TTN: variants seen among roughly 807,000 people sequenced by gnomAD.
TTN encodes the protein connectin.
Under a neutral mutation model 3,223.0 loss-of-function variants are expected in TTN, and 1,525 were observed. The ratio of observed to expected loss-of-function variants is 0.47; its 90% CI spans 0.45 to 0.49. The LOEUF is 0.49. TTN is among the 20% of genes least tolerant of loss of function. The pLI, the probability that TTN is intolerant of heterozygous loss-of-function variation, is 0.00. For missense variants in TTN, 40,786 were observed against 43,424.0 expected, an observed-to-expected ratio of 0.94 and a Z score of 5.40; for synonymous variants, 14,094 against 15,161.0, an observed-to-expected ratio of 0.93 and a Z score of 5.17.
chr2:178,671,038 C>T (rs1207845880), intron 156 of TTN, 52 bp downstream of exon 156: 2 of 1,374,998 alleles, frequency 1.5e-6, no homozygotes, highest in Non-Finnish European at 2.0e-6. Flanking sequence ...ATAAAGCAAC[C>T]AAGGTGCTAT....
In TTN at chr2:178,651,450, T is replaced by C. The variant is rs878854370; in HGVS notation, c.39547+3A>G. On this transcript the variant is annotated splice_donor_region_variant and intron_variant, in intron 207 of 362. Coordinates refer to ENST00000589042, the MANE Select transcript of TTN (RefSeq NM_001267550.2). The stretch of plus-strand genomic sequence containing the variant: ...CCATCAAACAGTGGACAGCCACATA[T>C]ACCTTTAGCAGGTGGGGCTTCTGGC... 1.2e-6 allele frequency: 2 copies of C among 1,609,154 alleles called. No individual in the cohort carries two copies. The highest frequency in any genetic ancestry group is 1.7e-6 in the Non-Finnish European group (2 of 1,178,570).
At position 178,688,182 on chromosome 2, in the gene TTN, C is replaced by T. The variant is rs1328991757; in HGVS notation, c.32240G>A (p.Gly10747Asp). Reference sequence around the variant, plus strand: ...TTCTCTATAAACTGAAATGGACACACCTTCCTCCTCTTCTGAGTAACTCCA... The same window carrying T: ...TTCTCTATAAACTGAAATGGACACATCTTCCTCCTCTTCTGAGTAACTCCA... ...EEWSYSEEEE[G>D]VSISVYREEE... The change falls in exon 127 of 363, where the codon GGT becomes GAT. Residue 10747 changes from glycine (G) to aspartate (D), a missense_variant. Physicochemically the swap from Gly to Asp is moderately conservative, Grantham distance 94. Coordinates refer to ENST00000589042, the MANE Select transcript of TTN (RefSeq NM_001267550.2). 3 of 1,612,938 alleles carry T rather than the reference C, an allele frequency of 1.9e-6. No homozygotes were observed. The highest frequency in any genetic ancestry group is 2.5e-6 in the Non-Finnish European group (3 of 1,179,772).
In TTN at chr2:178,771,223, G is replaced by A; in HGVS notation, c.8104C>T (p.Leu2702Phe). 1 of 1,614,046 alleles carries A rather than the reference G, an allele frequency of 6.2e-7. No individual in the cohort carries two copies. The highest frequency in any genetic ancestry group is 8.5e-7 in the Non-Finnish European group (1 of 1,179,990). The change falls in exon 34 of 363, where the codon CTC (leucine) becomes TTC (phenylalanine). Residue 2702 changes from leucine to phenylalanine, a missense_variant. By Grantham distance (22) the Leu-to-Phe change is conservative. Coordinates refer to ENST00000589042, the MANE Select transcript of TTN (RefSeq NM_001267550.2). ...CTATGTTACTTGCCTTCAACTTTGA[G>A]TTTGGCAGATGTTTTGGAGGTGGCC... ...KVATSKTSAK[L>F]KVEAVKIKKT... is the part of the protein sequence containing the mutation.
At chr2:178,600,818 A>G in intron 288 of TTN, 36 bp downstream of exon 288, 1 of 1,611,136 alleles carries the variant, frequency 6.2e-7, no homozygotes, top group South Asian at 1.1e-5. Flanking sequence ...AGGCAGCTGT[A>G]AGGAGGACAT....
rs757488542 is a variant in TTN at position 178,558,194 on chromosome 2, C to T, written c.87160G>A (p.Val29054Ile). The T allele has an allele frequency of 1.9e-6, 3 of 1,611,372 alleles. No individual in the cohort carries two copies. Among genetic ancestry groups the T allele is most frequent in the Admixed American group, 3.4e-5 (2 of 59,420 alleles). ...IDMKNFPSHT[V>I]YVRAGSNLKV... ...AGGTTTGAACCAGCTCTAACATATA[C>T]AGTGTGACTTGGGAAATTCTTCATA... The change falls in exon 328 of 363, where the codon GTA becomes ATA. Residue 29054 changes from valine to isoleucine, a missense_variant. By Grantham distance (29) the Val-to-Ile change is conservative (BLOSUM62 3). Transcript: ENST00000589042.
At chr2:178,734,686 A>G (rs767616847) in intron 51 of TTN, 21 bp downstream of exon 51, 1 of 1,591,074 alleles carries the variant, frequency 6.3e-7, no homozygotes, top group South Asian at 1.1e-5. Flanking sequence ...AAAATACTGG[A>G]TGGAAACTCA....
chr2:178,593,086 A>G lies in TTN; in HGVS notation c.59036-3T>C, dbSNP rs765010070. The stretch of plus-strand genomic sequence containing the variant: ...ATTAACAGGTGGACTTGGTTTAGCT[A>G]AAAAATAAAAGTAAAAAACGAATTA... On this transcript the variant is annotated splice_region_variant and splice_polypyrimidine_tract_variant and intron_variant, in intron 299 of 362. Transcript: ENST00000589042. 4 of 1,611,058 alleles carry G rather than the reference A, an allele frequency of 2.5e-6. No individual in the cohort carries two copies. In the South Asian group the frequency reaches 3.3e-5, roughly 13 times the overall value.
chr2:178,800,424 G>A lies in TTN; in HGVS notation c.554C>T (p.Ala185Val). 6.2e-7 allele frequency: 1 copy of A among 1,614,150 alleles called. No individual in the cohort carries two copies. Among genetic ancestry groups the A allele is most frequent in the Non-Finnish European group, 8.5e-7 (1 of 1,180,004 alleles). ...AACCAGTAATTCAGCAGTCGAAGTA[G>A]CTCTTCCAACGCTATTGGTGGCATT... Reference protein sequence around the residue: ...SVNATNSVGRATSTAELLVQG... With the variant: ...SVNATNSVGRVTSTAELLVQG... Residue 185 changes from alanine to valine, a missense_variant, in exon 4 of 363, where the codon GCT (alanine) becomes GTT (valine). Coordinates refer to ENST00000589042, the MANE Select transcript of TTN (RefSeq NM_001267550.2).
Position 178,532,720 on chromosome 2 carries a change from A to G in TTN, c.103895T>C (p.Val34632Ala), listed in dbSNP as rs1689722037. 2.5e-6 allele frequency: 4 copies of G among 1,613,944 alleles called. No homozygotes were observed. Among genetic ancestry groups the G allele is most frequent in the Non-Finnish European group, 2.5e-6 (3 of 1,179,864 alleles). Residue 34632 changes from valine to alanine, a missense_variant, in exon 358 of 363, where the codon GTG (valine) becomes GCG (alanine). Physicochemically the swap from Val to Ala is moderately conservative, Grantham distance 64. Transcript: ENST00000589042. ...PKLSQDDLEIVRPARRRTPSP... is the reference protein window; with the variant it reads ...PKLSQDDLEIARPARRRTPSP... Reference sequence around the variant, plus strand: ...AGGTGTACGCCGGCGGGCTGGTCTCACTATCTCAAGATCATCTTGGGACAG... The same window carrying G: ...AGGTGTACGCCGGCGGGCTGGTCTCGCTATCTCAAGATCATCTTGGGACAG...
chr2:178,629,355 T>C lies in TTN; in HGVS notation c.44370A>G (p.Glu14790=). ...TGAGATACCATTCCACTGGGATATC[T>C]TCGTAGGAGAGCTCGCAGTCGAAGG... ...TATFDCELSY[E]DIPVEWYLKG... is the part of the protein sequence containing the mutation. Residue 14790 remains glutamate (E), a synonymous_variant, in exon 240 of 363, where the codon GAA becomes GAG. Coordinates refer to ENST00000589042, the MANE Select transcript of TTN (RefSeq NM_001267550.2). 6.2e-7 allele frequency: 1 copy of C among 1,612,950 alleles called. No individual in the cohort carries two copies. Among genetic ancestry groups the C allele is most frequent in the South Asian group, 1.1e-5 (1 of 91,054 alleles).
rs1384797295 is a variant in TTN at position 178,792,039 on chromosome 2, C to T, written c.1662+33G>A. On this transcript the variant is annotated intron_variant, in intron 10 of 362. Transcript: ENST00000589042. ...GCTGGCTGTAATGTGATATTGTCAA[C>T]AAACTACAAAATATTTAGAAAATCA... The T allele has an allele frequency of 1.9e-6, 3 of 1,607,050 alleles. No individual in the cohort carries two copies. The East Asian group carries it at 6.7e-5, about 36-fold the overall frequency.
In TTN at chr2:178,749,975, G is replaced by C. The variant is rs973187705; in HGVS notation, c.11311+3149C>G. On this transcript the variant is annotated intron_variant, in intron 47 of 362. Transcript: ENST00000589042. Reference sequence around the variant, plus strand: ...CAAAAATACAAATCTGTGTTTTGGTGATTGAGTAACTTGATCTTGAGGCAT... The same window carrying C: ...CAAAAATACAAATCTGTGTTTTGGTCATTGAGTAACTTGATCTTGAGGCAT... The C allele has an allele frequency of 2.5e-6, 4 of 1,613,192 alleles. No homozygotes were observed. In the Admixed American group the frequency reaches 6.7e-5, roughly 27 times the overall value.
chr2:178,637,299 C>T, intron 224 of TTN, 70 bp downstream of exon 224: 8 of 1,137,858 alleles, frequency 7.0e-6, no homozygotes, highest in South Asian at 2.2e-5. Flanking sequence ...AATTTTTTTC[C>T]CCTTGAATAT....
Position 178,540,178 on chromosome 2 carries a change from G to A in TTN, c.97988C>T (p.Thr32663Ile). ...TPTKIREYTL[T>I]HLPQGAEYRF... is the part of the protein sequence containing the mutation. ...GTATTCTGCACCCTGAGGTAGGTGT[G>A]TTAGAGTATACTCTCGAATCTTGGT... The change falls in exon 351 of 363, where the codon ACA becomes ATA. Residue 32663 changes from threonine to isoleucine, a missense_variant. Thr to Ile is a moderately conservative substitution (Grantham distance 89). Transcript: ENST00000589042. The A allele has an allele frequency of 6.2e-7, 1 of 1,613,814 alleles. No homozygotes were observed. Among genetic ancestry groups the A allele is most frequent in the Non-Finnish European group, 8.5e-7 (1 of 1,179,764 alleles).
At chr2:178,635,863 T>C (rs1191095016) in intron 226 of TTN, 100 bp downstream of exon 226, 1 of 1,518,796 alleles carries the variant, frequency 6.6e-7, no homozygotes, top group Non-Finnish European at 8.8e-7. Flanking sequence ...CCCTCTTAGG[T>C]ACAAGATTTC....
In TTN at chr2:178,785,958, C is replaced by T. The variant is rs754073908; in HGVS notation, c.2260G>A (p.Ala754Thr). ...TTAGGGACAACGTGGGGTTCTGAGG[C>T]TGGACGTTGGGGAGGCTCAGCTACC... is the stretch of plus-strand genomic sequence containing the variant. Reference protein sequence around the residue: ...AKVAEPPQRPASEPHVVPKAV... With the variant: ...AKVAEPPQRPTSEPHVVPKAV... The change falls in exon 14 of 363, where the codon GCC becomes ACC. Residue 754 changes from alanine (A) to threonine (T), a missense_variant. Coordinates refer to ENST00000589042, the MANE Select transcript of TTN (RefSeq NM_001267550.2). 8 of 1,613,992 alleles carry T rather than the reference C, an allele frequency of 5.0e-6. No individual in the cohort carries two copies. The highest frequency in any genetic ancestry group is 8.5e-7 in the Non-Finnish European group (1 of 1,180,002).
In TTN at chr2:178,741,600, A is replaced by G; in HGVS notation, c.11633T>C (p.Ile3878Thr). 1.2e-6 allele frequency: 2 copies of G among 1,613,864 alleles called. No individual in the cohort carries two copies. The highest frequency in any genetic ancestry group is 1.7e-6 in the Non-Finnish European group (2 of 1,179,812). Residue 3878 changes from isoleucine (I) to threonine (T), a missense_variant, in exon 48 of 363, where the codon ATC becomes ACC. Physicochemically the swap from Ile to Thr is moderately conservative, Grantham distance 89. Transcript: ENST00000589042. ...ATCCTCCAATTTGGTGAACAGAATG[A>G]TCAGGCTATGATCATCACCGTCAAA... ...FVFDGDDHSL[I>T]ILFTKLEDEG...
rs879183549 is a variant in TTN at position 178,565,973 on chromosome 2, A to G, written c.80159T>C (p.Ile26720Thr). The G allele has an allele frequency of 6.2e-7, 1 of 1,613,600 alleles. No individual in the cohort carries two copies. ...TTTTCTGGTTGACTCACGTTTGTCA[A>G]TCACATAGTTCTTGACCTTTGCCCC... is the stretch of plus-strand genomic sequence containing the variant. ...DGGAKVKNYV[I>T]DKRESTRKAY... Residue 26720 changes from isoleucine to threonine, a missense_variant, in exon 326 of 363, where the codon ATT becomes ACT. Ile to Thr is a moderately conservative substitution (Grantham distance 89). Transcript: ENST00000589042.
At chr2:178,530,178 G>A in intron 358 of TTN, 62 bp from the exon 359 acceptor site, 2 of 1,562,802 alleles carry the variant, frequency 1.3e-6, no homozygotes. Context: ...TTTTTGGGAA[G>A]CTGAATTTAG....
Sources: gnomAD v4.1 joint callset for allele counts on GRCh38, gnomAD v4.1.1 for gene constraint, MANE v1.5 for transcripts, NCBI Gene and HGNC (gene_info 2026-07-23, HGNC 2026-07-21) for gene names.